ITSN1: variants seen among roughly 807,000 people sequenced by gnomAD.
ITSN1 encodes intersectin-1.
A neutral mutation model predicts 239.8 loss-of-function variants in ITSN1; 58 were observed. The ratio of observed to expected loss-of-function variants is 0.24; its 90% CI spans 0.20 to 0.30. The LOEUF (loss-of-function observed/expected upper bound fraction) is 0.30. ITSN1 is among the 10% of genes least tolerant of loss of function. The pLI, the probability that ITSN1 is intolerant of heterozygous loss-of-function variation, is 1.00. For synonymous variants in ITSN1, 780 were observed against 770.8 expected, an observed-to-expected ratio of 1.01 and a Z score of -0.20; for missense variants, 1,558 against 2,103.3, an observed-to-expected ratio of 0.74 and a Z score of 5.07.
Position 33,875,528 on chromosome 21 carries a change from A to C in ITSN1, c.4341+7A>C, listed in dbSNP as rs1435354467. The C allele has an allele frequency of 1.2e-6, 2 of 1,612,448 alleles. No homozygotes were observed. The highest frequency in any genetic ancestry group is 3.3e-4 in the Middle Eastern group (2 of 6,034). Reference sequence around the variant, plus strand: ...GTGTGAAGGCCTGTCTGAGGTAGCCAACCTTGGGGCTGGGCCCTGGTCTCC... The same window carrying C: ...GTGTGAAGGCCTGTCTGAGGTAGCCCACCTTGGGGCTGGGCCCTGGTCTCC... On this transcript the variant is annotated splice_region_variant and intron_variant, in intron 34 of 39. Coordinates refer to ENST00000381318, the MANE Select transcript of ITSN1 (RefSeq NM_003024.3).
intron 29 of ITSN1, among the ~76,000 whole-genome samples, chr21:33,839,104 G>T (rs1197573285): frequency 6.6e-6 from 1 of 152,094 alleles, no homozygotes; most frequent in Admixed American, 6.5e-5. Context: ...GATATTTGGT[G>T]GGGGGGATGT....
intron 27 of ITSN1, among the ~76,000 whole-genome samples, chr21:33,832,726 C>T (rs2074367527): frequency 1.3e-5 from 2 of 152,150 alleles, no homozygotes; most frequent in African/African-American, 4.8e-5. Context: ...AGCTTTAGTC[C>T]TTGAGCCAAG....
rs990849070 is a variant in ITSN1 at position 33,739,849 on chromosome 21, G to T, written c.346+4645G>T. ...GATTAAGCAGAAGAGTGACGTGGTT[G>T]ATAGACTTATCTGTGTTATCTGAAG... On this transcript the variant is annotated intron_variant, in intron 5 of 39. Transcript: ENST00000381318. Among the ~76,000 whole-genome samples, 4 of 152,216 alleles carry T rather than the reference G, an allele frequency of 2.6e-5. No individual in the cohort carries two copies. The South Asian group carries it at 8.3e-4, about 32-fold the overall frequency.
rs934651471 is a variant in ITSN1, at chr21:33,865,964, G to A, written c.4074+630G>A. Reference sequence around the variant, plus strand: ...TGGCCAGTGTGGGTCTCTGCTGGCCGTGCTGGGCCATTCAAACAGCCCCCA... The same window carrying A: ...TGGCCAGTGTGGGTCTCTGCTGGCCATGCTGGGCCATTCAAACAGCCCCCA... On this transcript the variant is annotated intron_variant, in intron 32 of 39. Coordinates refer to ENST00000381318, the MANE Select transcript of ITSN1 (RefSeq NM_003024.3). This position sits in a 1 kb window ranked among gnomAD's most constrained non-coding sequence, Gnocchi z 4.4. Among the ~76,000 whole-genome samples, 6 of 152,130 alleles carry A rather than the reference G, an allele frequency of 3.9e-5. No homozygotes were observed. The highest frequency in any genetic ancestry group is 1.9e-4 in the East Asian group (1 of 5,196).
chr21:33,836,363 A>C, intron 28 of ITSN1, 78 bp from the exon 29 acceptor site: 1 of 1,017,514 alleles, frequency 9.8e-7, no homozygotes, highest in Non-Finnish European at 1.4e-6. Flanking sequence ...GTAGCTGGGA[A>C]TGTTGAATGG....
At chr21:33,809,362 G>C (rs113370237) in intron 20 of ITSN1, among the ~76,000 whole-genome samples, 294 of 152,280 alleles carry the variant, frequency 1.9e-3, no homozygotes, top group African/African-American at 6.6e-3. Context: ...CAGCAAGCAG[G>C]CATCCCCTAC....
intron 1 of ITSN1, among the ~76,000 whole-genome samples, chr21:33,657,625 A>T (rs775060727): frequency 5.3e-5 from 8 of 152,150 alleles, no homozygotes; most frequent in Non-Finnish European, 1.0e-4. Context: ...TTGTGCAAAC[A>T]TCATAAAGTG....
intron 34 of ITSN1, among the ~76,000 whole-genome samples, chr21:33,881,046 G>A (rs937292857): frequency 2.6e-5 from 4 of 152,064 alleles, no homozygotes; most frequent in Non-Finnish European, 4.4e-5. Flanking sequence ...CTGAGCGGGT[G>A]AGTCGGGTGA....
intron 9 of ITSN1, among the ~76,000 whole-genome samples, chr21:33,763,533 A>T (rs2068515810): frequency 6.6e-6 from 1 of 152,202 alleles, no homozygotes; most frequent in African/African-American, 2.4e-5. Flanking sequence ...CACACCCAGC[A>T]TGACAATCAG....
Position 33,799,724 on chromosome 21 carries a change from A to T in ITSN1, c.2183-84A>T, listed in dbSNP as rs571044564. On this transcript the variant is annotated intron_variant, in intron 18 of 39. Coordinates refer to ENST00000381318, the MANE Select transcript of ITSN1 (RefSeq NM_003024.3). ...GAGGTTAAGATAGGCAATAGAGGAGAGGTTAGTTGTTTGGCTTGTTGTCAT... is the reference window on the plus strand; with the variant it reads ...GAGGTTAAGATAGGCAATAGAGGAGTGGTTAGTTGTTTGGCTTGTTGTCAT... 1.5e-5 allele frequency: 21 copies of T among 1,404,922 alleles called. No homozygotes were observed. The East Asian group carries it at 4.9e-4, about 33-fold the overall frequency. The allele number at this position is 1,404,922 out of a possible 1,614,324, so 87.0% of individuals were successfully genotyped here.
chr21:33,872,797 A>G (rs1602668506), intron 33 of ITSN1, among the ~76,000 whole-genome samples: 1 of 152,154 alleles, frequency 6.6e-6, no homozygotes, highest in African/African-American at 2.4e-5. Context: ...CTCCCAAAGC[A>G]ATTTTTATTC....
chr21:33,708,935 C>T (rs1260610339), intron 1 of ITSN1, among the ~76,000 whole-genome samples: 1 of 152,160 alleles, frequency 6.6e-6, no homozygotes, highest in Non-Finnish European at 1.5e-5. Flanking sequence ...AGTGATTTGT[C>T]TTTACAACTT....
chr21:33,824,633 G>C (rs1473740296), intron 25 of ITSN1, among the ~76,000 whole-genome samples: 2 of 152,092 alleles, frequency 1.3e-5, no homozygotes, highest in African/African-American at 4.8e-5. Flanking sequence ...TTACATGTGC[G>C]GCTCCGTGTA....
chr21:33,888,559 G>A lies in ITSN1; in HGVS notation c.*259G>A. On this transcript the variant is annotated 3_prime_UTR_variant, in exon 40 of 40. Transcript: ENST00000381318. ...TCTCATTATGGCTTCTAGGGTCGCT[G>A]AAATCCCATAGCCCTCAACAGGGTG... is the stretch of plus-strand genomic sequence containing the variant. 2.7e-6 allele frequency: 1 copy of A among 366,576 alleles called. No individual in the cohort carries two copies. Among genetic ancestry groups the A allele is most frequent in the Non-Finnish European group, 4.9e-6 (1 of 202,448 alleles). The allele number at this position is 366,576 out of a possible 1,614,324, so 22.7% of individuals were successfully genotyped here. A position where few individuals can be genotyped will look rare whatever the true frequency, so the allele number is the denominator to read the frequency against.
chr21:33,714,413 G>A (rs1474673970), intron 1 of ITSN1, among the ~76,000 whole-genome samples: 2 of 152,170 alleles, frequency 1.3e-5, no homozygotes, highest in East Asian at 3.8e-4. Flanking sequence ...GTCATAGTGA[G>A]GTGAAGGCTT....
At chr21:33,643,465 G>GAATC (rs1246386277) in intron 1 of ITSN1, 1 of 152,120 alleles carries the variant, frequency 6.6e-6, no homozygotes, top group Non-Finnish European at 1.5e-5. Context: ...AACCGGCGAG[G>GAATC]AATCGGCCGC....
At chr21:33,662,798 A>AG (rs2089660323) in intron 1 of ITSN1, among the ~76,000 whole-genome samples, 1 of 152,198 alleles carries the variant, frequency 6.6e-6, no homozygotes, top group Non-Finnish European at 1.5e-5. Flanking sequence ...ATGAGTACTG[A>AG]GTACCCTTCA....
intron 5 of ITSN1, among the ~76,000 whole-genome samples, chr21:33,743,161 A>G (rs896512232): frequency 6.6e-5 from 10 of 152,180 alleles, no homozygotes; most frequent in African/African-American, 2.4e-4. Context: ...AAGAGGAAAA[A>G]AATTTAAATT....
At position 33,894,992 on chromosome 21, in the gene ITSN1, G is replaced by A. The variant is rs974317489; in HGVS notation, c.*6692G>A. The stretch of plus-strand genomic sequence containing the variant: ...CATTGCTCTTGTGTAGATCGCAGAA[G>A]GAGTTATTGGTGATGTGGGGTGTAG... On this transcript the variant is annotated 3_prime_UTR_variant, in exon 40 of 40. Transcript: ENST00000381318. The A allele has an allele frequency of 1.1e-4, 15 of 140,628 alleles. No individual in the cohort carries two copies. Among genetic ancestry groups the A allele is most frequent in the African/African-American group, 3.7e-4 (14 of 37,944 alleles). 8.7% of individuals were successfully genotyped at this position (140,628 alleles called of 1,614,324 possible).
Sources: gnomAD v4.1 joint callset for allele counts (sites outside exome capture counted in the v4.1 genomes callset) on GRCh38, gnomAD v4.1.1 for gene constraint, Gnocchi (gnomAD v3.1) non-coding constraint, MANE v1.5 for transcripts, NCBI Gene and HGNC (gene_info 2026-07-23, HGNC 2026-07-21) for gene names.